Variants in MEOX2 observed in about 807,000 individuals in gnomAD.
The protein encoded by MEOX2 is mesenchyme homeobox 2.
Under a neutral mutation model 27.0 loss-of-function variants are expected in MEOX2, and 11 were observed. The ratio of observed to expected loss-of-function variants is 0.41; its 90% CI spans 0.26 to 0.68. The LOEUF is 0.68. Among genes scored for constraint, MEOX2 ranks in the 30% least tolerant of loss-of-function variants. The probability of loss-of-function intolerance (pLI) is 0.33; values close to 1 mark genes in which losing one functional copy is unlikely to be tolerated. For missense variants in MEOX2, 436 were observed against 385.4 expected, an observed-to-expected ratio of 1.13 and a Z score of -1.10; for synonymous variants, 189 against 155.4, an observed-to-expected ratio of 1.22 and a Z score of -1.61.
At chr7:15,669,306 T>C (rs1256840521) in intron 1 of MEOX2, among the ~76,000 whole-genome samples, 1 of 152,268 alleles carries the variant, frequency 6.6e-6, no homozygotes, top group Non-Finnish European at 1.5e-5. Context: ...TGGGCACTTA[T>C]TTATATTTGG....
intron 1 of MEOX2, chr7:15,678,993 G>A (rs1782250391): frequency 6.6e-6 from 1 of 152,050 alleles, no homozygotes; most frequent in Non-Finnish European, 1.5e-5. Context: ...AAAACTGCAG[G>A]GACTTTTATA....
chr7:15,632,026 T>C (rs1465414174), intron 1 of MEOX2, among the ~76,000 whole-genome samples: 1 of 151,280 alleles, frequency 6.6e-6, no homozygotes, highest in Non-Finnish European at 1.5e-5. Flanking sequence ...ATTTGAAAAA[T>C]TTGCAAACAC....
At chr7:15,626,355 A>G (rs1383189124) in intron 2 of MEOX2, among the ~76,000 whole-genome samples, 1 of 152,096 alleles carries the variant, frequency 6.6e-6, no homozygotes, top group Non-Finnish European at 1.5e-5. Flanking sequence ...GCAACTTATC[A>G]TGACCTATCC....
At position 15,686,654 on chromosome 7, in the gene MEOX2, A is replaced by G; in HGVS notation, c.-252T>C. 2.0e-6 allele frequency: 1 copy of G among 508,598 alleles called. No individual in the cohort carries two copies. Among genetic ancestry groups the G allele is most frequent in the Non-Finnish European group, 3.5e-6 (1 of 288,946 alleles). The allele number at this position is 508,598 out of a possible 1,614,324, so 31.5% of individuals were successfully genotyped here. ...GTCAAGAGTGGGAGAGGTTGAAGCC[A>G]AAAGAAGGTGGTCCCAGAGAACTGC... On this transcript the variant is annotated 5_prime_UTR_variant, in exon 1 of 3. Transcript: ENST00000262041.
At chr7:15,660,627 A>G (rs1264609078) in intron 1 of MEOX2, among the ~76,000 whole-genome samples, 1 of 152,256 alleles carries the variant, frequency 6.6e-6, no homozygotes, top group Admixed American at 6.5e-5. Context: ...GAGGAACAAA[A>G]TCACTCTGAT....
At position 15,686,538 on chromosome 7, in the gene MEOX2, G is replaced by A. The variant is rs1375690242; in HGVS notation, c.-136C>T. ...AGCAATAGCGGTGCACTTCTGCAGA[G>A]CTCGGATAATCCCGGTCCTGAGCCC... On this transcript the variant is annotated 5_prime_UTR_variant, in exon 1 of 3. Coordinates refer to ENST00000262041, the MANE Select transcript of MEOX2 (RefSeq NM_005924.5). 2.5e-6 allele frequency: 2 copies of A among 788,146 alleles called. No individual in the cohort carries two copies. Among genetic ancestry groups the A allele is most frequent in the Non-Finnish European group, 4.0e-6 (2 of 503,210 alleles). 48.8% of individuals were successfully genotyped at this position (788,146 alleles called of 1,614,324 possible).
chr7:15,625,913 A>T (rs779507425), intron 2 of MEOX2, among the ~76,000 whole-genome samples: 1 of 152,164 alleles, frequency 6.6e-6, no homozygotes, highest in Non-Finnish European at 1.5e-5. Flanking sequence ...GAGTCCAAAA[A>T]CATTAATAAT....
chr7:15,679,582 C>T (rs1782260210), intron 1 of MEOX2: 1 of 151,994 alleles, frequency 6.6e-6, no homozygotes, highest in Non-Finnish European at 1.5e-5. Flanking sequence ...GTTTTTACCA[C>T]TGAGTTACTA....
chr7:15,650,781 A>T (rs1227741297), intron 1 of MEOX2, among the ~76,000 whole-genome samples: 1 of 152,088 alleles, frequency 6.6e-6, no homozygotes, highest in Non-Finnish European at 1.5e-5. Context: ...AATGCAATGA[A>T]AGAGTTGCTA....
chr7:15,666,429 C>T (rs1374564742), intron 1 of MEOX2, among the ~76,000 whole-genome samples: 1 of 152,062 alleles, frequency 6.6e-6, no homozygotes, highest in Non-Finnish European at 1.5e-5. Flanking sequence ...TCAATTACTG[C>T]TTCACAAACC....
intron 2 of MEOX2, among the ~76,000 whole-genome samples, chr7:15,617,963 C>T (rs921955354): frequency 6.6e-6 from 1 of 152,048 alleles, no homozygotes; most frequent in Admixed American, 6.6e-5. Flanking sequence ...AGGATTAACC[C>T]TTTCTTGGGG....
At position 15,612,463 on chromosome 7, in the gene MEOX2, A is replaced by T. The variant is rs770444784; in HGVS notation, c.839T>A (p.Leu280His). The T allele has an allele frequency of 3.0e-5, 49 of 1,614,004 alleles. No homozygotes were observed. In the Admixed American group the frequency reaches 8.2e-4, roughly 27 times the overall value. Residue 280 changes from leucine to histidine, a missense_variant, in exon 3 of 3, where the codon CTC becomes CAC. Physicochemically the swap from Leu to His is moderately conservative, Grantham distance 99. Transcript: ENST00000262041. ...TGCTATAGAGTCCCCTGTTTGCTGGAGGGTGGCTGCACCAATTCCCGACAG... is the reference window on the plus strand; with the variant it reads ...TGCTATAGAGTCCCCTGTTTGCTGGTGGGTGGCTGCACCAATTCCCGACAG... Reference protein sequence around the residue: ...SELSGIGAATLQQTGDSIANE... With the variant: ...SELSGIGAATHQQTGDSIANE...
intron 1 of MEOX2, among the ~76,000 whole-genome samples, chr7:15,637,713 G>C (rs1284998754): frequency 6.6e-6 from 1 of 151,968 alleles, no homozygotes; most frequent in Non-Finnish European, 1.5e-5. Context: ...TAGTTATTTA[G>C]AAGGAAAGAG....
chr7:15,663,419 T>C (rs1366137937), intron 1 of MEOX2, among the ~76,000 whole-genome samples: 1 of 150,758 alleles, frequency 6.6e-6, no homozygotes, highest in Non-Finnish European at 1.5e-5. Flanking sequence ...TGAAACCTCC[T>C]CCTCCCGGGT....
chr7:15,672,153 T>C (rs912173311), intron 1 of MEOX2, among the ~76,000 whole-genome samples: 1 of 152,184 alleles, frequency 6.6e-6, no homozygotes, highest in African/African-American at 2.4e-5. Flanking sequence ...AATTAATCTA[T>C]TTTTTATTTT....
At chr7:15,644,558 A>G (rs1399204291) in intron 1 of MEOX2, among the ~76,000 whole-genome samples, 2 of 152,200 alleles carry the variant, frequency 1.3e-5, no homozygotes, top group African/African-American at 4.8e-5. Flanking sequence ...ACAGATCTGC[A>G]GCACAGCCTT....
chr7:15,663,355 C>T (rs1258979385), intron 1 of MEOX2, among the ~76,000 whole-genome samples: 11 of 147,574 alleles, frequency 7.5e-5, no homozygotes, highest in Non-Finnish European at 1.0e-4. Context: ...TTTTTTGAGA[C>T]GGAGTCTCAC....
chr7:15,684,045 G>A (rs1339094321), intron 1 of MEOX2, among the ~76,000 whole-genome samples: 1 of 152,078 alleles, frequency 6.6e-6, no homozygotes, highest in Non-Finnish European at 1.5e-5. Context: ...TAAATTAAGG[G>A]AATCAGTTAT....
At chr7:15,632,851 A>C (rs1583752666) in intron 1 of MEOX2, among the ~76,000 whole-genome samples, 2 of 151,992 alleles carry the variant, frequency 1.3e-5, no homozygotes, top group East Asian at 3.9e-4. Context: ...GAGAGAAAAC[A>C]TAAACTAAAG....
Sources: allele counts gnomAD v4.1 joint callset (sites outside exome capture counted in the v4.1 genomes callset), GRCh38; gene constraint gnomAD v4.1.1; transcripts MANE v1.5; gene names NCBI Gene and HGNC (gene_info 2026-07-23, HGNC 2026-07-21).